HELB: variants seen among roughly 807,000 people sequenced by gnomAD.
The protein encoded by HELB is DNA 5'-3' helicase B.
In HELB, 96 loss-of-function variants were observed where a neutral mutation model predicts 101.7. The ratio of observed to expected loss-of-function variants is 0.94; its 90% CI spans 0.80 to 1.12. The LOEUF is 1.12. Ranked by LOEUF, HELB falls within the 50% of genes most tolerant of loss-of-function variation. The pLI is 0.00. For missense variants in HELB, 1,210 were observed against 1,291.9 expected (o/e 0.94, Z 0.97); for synonymous variants, 437 against 459.7 (o/e 0.95, Z 0.63).
chr12:66,307,948 A>C (rs7298868), intron 3 of HELB, among the ~76,000 whole-genome samples: 104,858 of 149,998 alleles, frequency 0.7, 37,054 homozygotes, highest in Middle Eastern at 0.84. Context: ...CCAGGCTGGT[A>C]TTGAACTCCT....
Position 66,326,345 on chromosome 12 carries a change from T to A in HELB, c.2670+1219T>A, listed in dbSNP as rs1264395227. On this transcript the variant is annotated intron_variant, in intron 11 of 12. Coordinates refer to ENST00000247815, the MANE Select transcript of HELB (RefSeq NM_001370285.1). ...GTAAGTTCCGCCTCCCAGGTTCAAG[T>A]GATTCTCCTGCCTCAGCTTCCCGAG... 3.9e-5 allele frequency among the ~76,000 whole-genome samples: 6 copies of A among 152,082 alleles called. No homozygotes were observed. The East Asian group carries it at 1.2e-3, about 29-fold the overall frequency.
chr12:66,307,398 A>G (rs1241184630), intron 3 of HELB, among the ~76,000 whole-genome samples: 2 of 152,180 alleles, frequency 1.3e-5, no homozygotes, highest in Admixed American at 1.3e-4. Flanking sequence ...GTAAAATCCA[A>G]TGTTCTTTAT....
At chr12:66,331,036 A>C in intron 11 of HELB, 118 bp from the exon 12 acceptor site, 13 of 1,065,436 alleles carry the variant, frequency 1.2e-5, no homozygotes, top group Non-Finnish European at 1.6e-5. Context: ...ACATAATAAT[A>C]GTCTGGCCAG....
At chr12:66,306,222 G>A in intron 2 of HELB, 123 bp from the exon 3 acceptor site, 2 of 589,460 alleles carry the variant, frequency 3.4e-6, no homozygotes, top group South Asian at 3.5e-5. Context: ...GTTAAAGCAA[G>A]TGTACTAATC....
intron 2 of HELB, among the ~76,000 whole-genome samples, chr12:66,305,531 C>G (rs1040554304): frequency 1.3e-5 from 2 of 151,916 alleles, no homozygotes; most frequent in African/African-American, 4.8e-5. Flanking sequence ...CACTTGAGCG[C>G]AGGAGATCGA....
chr12:66,324,238 T>G (rs1339166445), intron 10 of HELB, 27 bp downstream of exon 10: 2 of 1,387,270 alleles, frequency 1.4e-6, no homozygotes, highest in Admixed American at 1.7e-5. Flanking sequence ...GATAATATCT[T>G]TTAACTAATT....
At position 66,324,181 on chromosome 12, in the gene HELB, G is replaced by A; in HGVS notation, c.2496G>A (p.Leu832=). 1 of 1,612,286 alleles carries A rather than the reference G, an allele frequency of 6.2e-7. No individual in the cohort carries two copies. The highest frequency in any genetic ancestry group is 8.5e-7 in the Non-Finnish European group (1 of 1,178,698). ...NKRDFESNVR[L]CNGEIFFITN... ...GTGACTTTGAAAGTAACGTTCGACT[G>A]TGCAATGGAGAGATATTTTTCATAA... Residue 832 remains leucine (L), a synonymous_variant, in exon 10 of 13, where the codon CTG becomes CTA. Transcript: ENST00000247815.
At chr12:66,342,826 C>G (rs2053927686), downstream of HELB, 1 of 151,890 alleles carries the variant, frequency 6.6e-6, no homozygotes, top group Admixed American at 6.6e-5. Flanking sequence ...TCCCGAGTAG[C>G]AGGCATTACA....
chr12:66,304,629 G>A (rs1372353384), intron 1 of HELB, 102 bp from the exon 2 acceptor site: 2 of 1,040,488 alleles, frequency 1.9e-6, no homozygotes, highest in Non-Finnish European at 2.8e-6. Flanking sequence ...GAGTGCTGTA[G>A]GGAGATTAAA....
downstream of HELB, chr12:66,338,305 TGAAGA>T (rs2137022467): frequency 2.0e-6 from 1 of 491,972 alleles, no homozygotes; most frequent in East Asian, 4.0e-5. Flanking sequence ...TGGACATAAG[TGAAGA>T]GATTAGATAT....
At chr12:66,332,172 TC>T (rs1311361704) in intron 12 of HELB, among the ~76,000 whole-genome samples, 4 of 152,166 alleles carry the variant, frequency 2.6e-5, no homozygotes, top group African/African-American at 9.7e-5. Flanking sequence ...AGAATCTTAC[TC>T]TCTTTTCCAA....
intron 2 of HELB, among the ~76,000 whole-genome samples, chr12:66,305,636 T>A (rs2053466059): frequency 6.6e-6 from 1 of 151,868 alleles, no homozygotes; most frequent in African/African-American, 2.4e-5. Flanking sequence ...TCCCAGCTAC[T>A]TGGGAGGATG....
In HELB at chr12:66,306,379, T is replaced by C; in HGVS notation, c.642T>C (p.Phe214=). The change falls in exon 3 of 13, where the codon TTT becomes TTC. Residue 214 remains phenylalanine, a synonymous_variant. Transcript: ENST00000247815. ...GAAATGTAATGACAGCTTTGCAGTT[T>C]CCGAAGATAATGGAATTCCTTCCAG... The part of the protein sequence containing the change: ...PFRNVMTALQ[F]PKIMEFLPVL... 6.2e-7 allele frequency: 1 copy of C among 1,600,512 alleles called. No individual in the cohort carries two copies. Among genetic ancestry groups the C allele is most frequent in the South Asian group, 1.1e-5 (1 of 88,214 alleles).
chr12:66,308,955 A>G (rs1333738419), intron 3 of HELB, among the ~76,000 whole-genome samples: 1 of 152,210 alleles, frequency 6.6e-6, no homozygotes, highest in East Asian at 1.9e-4. Context: ...GAGCCGATAG[A>G]TGACGTGCTC....
At position 66,323,967 on chromosome 12, in the gene HELB, T is replaced by G. The variant is rs1467633431; in HGVS notation, c.2298-16T>G. On this transcript the variant is annotated splice_polypyrimidine_tract_variant and intron_variant, in intron 9 of 12. Transcript: ENST00000247815. ...CTTTCCAAACTTTGATTATATATTA[T>G]CATTTTCTATCCCAGAGACCATCAG... 7.1e-6 allele frequency: 11 copies of G among 1,545,284 alleles called. No homozygotes were observed. Among genetic ancestry groups the G allele is most frequent in the East Asian group, 4.5e-5 (2 of 44,382 alleles).
chr12:66,310,386 C>G lies in HELB; in HGVS notation c.1458C>G (p.Ser486Arg), dbSNP rs751110567. The change falls in exon 4 of 13, where the codon AGC becomes AGG. Residue 486 changes from serine to arginine, a missense_variant. By Grantham distance (110) the Ser-to-Arg change is moderately radical (BLOSUM62 -1). This residue lies in a region of HELB where 740 missense variants were observed against 728.8 expected (regional missense o/e 1.02). Transcript: ENST00000247815. ...GATGTGGGAAGACCACAATCGTTAG[C>G]CGTCTTTTTAAGCATATAGAGCAGT... ...KGGCGKTTIV[S>R]RLFKHIEQLE... 1.9e-6 allele frequency: 3 copies of G among 1,614,110 alleles called. No individual in the cohort carries two copies. Among genetic ancestry groups the G allele is most frequent in the Non-Finnish European group, 2.5e-6 (3 of 1,180,006 alleles).
At chr12:66,334,882 A>C (rs1455376540) in intron 12 of HELB, among the ~76,000 whole-genome samples, 1 of 152,198 alleles carries the variant, frequency 6.6e-6, no homozygotes, top group Admixed American at 6.5e-5. Context: ...GGAGACCAGT[A>C]GGAGGTCATC....
chr12:66,328,201 G>A (rs1370210935), intron 11 of HELB, among the ~76,000 whole-genome samples: 1 of 152,192 alleles, frequency 6.6e-6, no homozygotes, highest in African/African-American at 2.4e-5. Flanking sequence ...TTAGCCACTA[G>A]CCACGTGTAG....
intron 11 of HELB, among the ~76,000 whole-genome samples, chr12:66,327,226 C>T (rs1026564025): frequency 1.3e-5 from 2 of 151,548 alleles, no homozygotes; most frequent in African/African-American, 4.8e-5. Flanking sequence ...GACCAAAGTT[C>T]CCCAGGTAAA....
Sources: allele counts gnomAD v4.1 joint callset (sites outside exome capture counted in the v4.1 genomes callset), GRCh38; gene constraint gnomAD v4.1.1; regional missense constraint gnomAD v4.1.1; transcripts MANE v1.5; gene names NCBI Gene and HGNC (gene_info 2026-07-23, HGNC 2026-07-21).